The following MAD1L1 variants were observed in gnomAD, a reference collection of about 807,000 sequenced individuals.
The protein encoded by MAD1L1 is mitotic spindle assembly checkpoint protein MAD1.
MAD1L1 carries 95 observed loss-of-function variants against 96.9 expected under a neutral mutation model. That is an observed-to-expected ratio of 0.98 (90% CI 0.83 to 1.16). The LOEUF (loss-of-function observed/expected upper bound fraction) is 1.16, where lower values mean the gene tolerates loss of function less well. Ranked by LOEUF, MAD1L1 falls within the 50% of genes most tolerant of loss-of-function variation. MAD1L1 has a pLI of 0.00. For missense variants in MAD1L1, 1,007 were observed against 954.4 expected, an observed-to-expected ratio of 1.06 and a Z score of -0.73; for synonymous variants, 473 against 396.6, an observed-to-expected ratio of 1.19 and a Z score of -2.29.
At chr7:1,980,321 G>T in intron 15 of MAD1L1, 132 bp downstream of exon 15, 1 of 726,624 alleles carries the variant, frequency 1.4e-6, no homozygotes. Flanking sequence ...ACACCTGGGC[G>T]TATCCGCCTC....
intron 11 of MAD1L1, among the ~76,000 whole-genome samples, chr7:2,085,076 A>G (rs1319151688): frequency 1.3e-5 from 2 of 152,200 alleles, no homozygotes; most frequent in East Asian, 3.8e-4. Flanking sequence ...GTCAGTGATG[A>G]GCAAGAATTC....
At chr7:2,210,026 A>G (rs1326533685) in intron 10 of MAD1L1, 3 of 152,220 alleles carry the variant, frequency 2.0e-5, no homozygotes, top group Non-Finnish European at 4.4e-5. Flanking sequence ...ACTACCCCAA[A>G]CCTGGTCCCT....
intron 10 of MAD1L1, among the ~76,000 whole-genome samples, chr7:2,176,925 T>C (rs1790975799): frequency 6.6e-6 from 1 of 152,228 alleles, no homozygotes; most frequent in Admixed American, 6.5e-5. Flanking sequence ...TAATAACTGT[T>C]TGCTTGGTGA....
intron 10 of MAD1L1, among the ~76,000 whole-genome samples, chr7:2,157,234 C>T (rs751880292): frequency 6.6e-6 from 1 of 152,082 alleles, no homozygotes; most frequent in African/African-American, 2.4e-5. Flanking sequence ...AGTAAGAAGG[C>T]GATGGGAACA....
chr7:2,173,863 G>C (rs147690473), intron 10 of MAD1L1, among the ~76,000 whole-genome samples: 5 of 152,258 alleles, frequency 3.3e-5, no homozygotes, highest in African/African-American at 1.2e-4. Context: ...CAGTGGTATG[G>C]TCATAGCTCA....
At position 2,052,232 on chromosome 7, in the gene MAD1L1, G is replaced by C. The variant is rs569521571; in HGVS notation, c.1218+16962C>G. 7.2e-5 allele frequency among the ~76,000 whole-genome samples: 11 copies of C among 152,312 alleles called. No homozygotes were observed. In the East Asian group the frequency reaches 1.5e-3, roughly 21 times the overall value. On this transcript the variant is annotated intron_variant, in intron 12 of 18. Transcript: ENST00000265854. ...CACAGCCACAGCTCCGCCACAGCCA[G>C]CCATGGCATGACTCCATATGCCAAC...
chr7:1,841,973 C>T lies in MAD1L1; in HGVS notation c.1999-25745G>A, dbSNP rs549169185. On this transcript the variant is annotated intron_variant, in intron 18 of 18. Coordinates refer to ENST00000265854, the MANE Select transcript of MAD1L1 (RefSeq NM_001013836.2). ...AGCCCTCAGCCAGACCCTGCCTGCT[C>T]GCCGCGCTCGGCCGCCATCTTCCTG... Among the ~76,000 whole-genome samples, 21 of 152,336 alleles carry T rather than the reference C, an allele frequency of 1.4e-4. No individual in the cohort carries two copies. In the East Asian group the frequency reaches 3.1e-3, roughly 22 times the overall value.
At chr7:1,844,905 C>T (rs1448224536) in intron 18 of MAD1L1, among the ~76,000 whole-genome samples, 2 of 152,238 alleles carry the variant, frequency 1.3e-5, no homozygotes, top group African/African-American at 4.8e-5. Context: ...GCTGCCAGGA[C>T]GGAGACAGTA....
At chr7:2,024,113 A>T (rs950945707) in intron 12 of MAD1L1, among the ~76,000 whole-genome samples, 1 of 151,872 alleles carries the variant, frequency 6.6e-6, no homozygotes, top group Non-Finnish European at 1.5e-5. Flanking sequence ...AACATTAAAA[A>T]AAAAAAATAA....
At chr7:1,940,986 T>TCCCCCCGCAGGCCTCAGC (rs1279399235) in intron 16 of MAD1L1, among the ~76,000 whole-genome samples, 6 of 148,626 alleles carry the variant, frequency 4.0e-5, no homozygotes, top group Non-Finnish European at 6.0e-5. Flanking sequence ...CTCCTCTTCC[T>TCCCCCCGCAGGCCTCAGC]CTCCCAGGCC....
intron 14 of MAD1L1, among the ~76,000 whole-genome samples, chr7:2,000,413 C>T (rs376536502): frequency 6.6e-6 from 1 of 152,162 alleles, no homozygotes; most frequent in African/African-American, 2.4e-5. Flanking sequence ...ACCTCCTCCA[C>T]CCATGAAACC....
At chr7:1,832,852 G>C (rs544747801) in intron 18 of MAD1L1, among the ~76,000 whole-genome samples, 1 of 152,014 alleles carries the variant, frequency 6.6e-6, no homozygotes, top group Admixed American at 6.6e-5. Flanking sequence ...GGCTGGTCTC[G>C]AACTACTGGC....
At chr7:1,907,213 C>T (rs1017826434) in intron 17 of MAD1L1, among the ~76,000 whole-genome samples, 3 of 152,198 alleles carry the variant, frequency 2.0e-5, no homozygotes, top group African/African-American at 4.8e-5. Flanking sequence ...CCCTGTCCCA[C>T]GGTCCCCCAG....
chr7:2,194,822 C>T (rs956133069), intron 10 of MAD1L1, among the ~76,000 whole-genome samples: 1 of 152,042 alleles, frequency 6.6e-6, no homozygotes, highest in South Asian at 2.1e-4. Context: ...ACTGATAATC[C>T]CAGCACTTTG....
At chr7:2,175,056 C>A (rs1790881310) in intron 10 of MAD1L1, 1 of 152,180 alleles carries the variant, frequency 6.6e-6, no homozygotes, top group Non-Finnish European at 1.5e-5. Flanking sequence ...CAACGCTCCA[C>A]CAGCCCAGAC....
At chr7:1,886,135 G>A (rs1020954565) in intron 18 of MAD1L1, among the ~76,000 whole-genome samples, 5 of 152,182 alleles carry the variant, frequency 3.3e-5, no homozygotes, top group African/African-American at 1.2e-4. Context: ...GCACTGTGAG[G>A]GCCAGGTTCA....
At chr7:1,954,584 C>G (rs2128472801) in intron 16 of MAD1L1, among the ~76,000 whole-genome samples, 1 of 152,292 alleles carries the variant, frequency 6.6e-6, no homozygotes, top group African/African-American at 2.4e-5. Context: ...ACTCCTGCGG[C>G]TGCACCAATA....
chr7:2,212,312 C>T (rs1483755433), intron 10 of MAD1L1, among the ~76,000 whole-genome samples: 2 of 152,238 alleles, frequency 1.3e-5, no homozygotes, highest in Non-Finnish European at 2.9e-5. Flanking sequence ...TGGCACTCAG[C>T]TTGGCACAGA....
intron 11 of MAD1L1, among the ~76,000 whole-genome samples, chr7:2,120,957 G>C (rs1167427756): frequency 6.6e-6 from 1 of 152,180 alleles, no homozygotes; most frequent in Non-Finnish European, 1.5e-5. Flanking sequence ...ACCTGACGTG[G>C]GGAGGCCCAG....
Sources: allele counts gnomAD v4.1 joint callset (sites outside exome capture counted in the v4.1 genomes callset), GRCh38; gene constraint gnomAD v4.1.1; transcripts MANE v1.5; gene names NCBI Gene and HGNC (gene_info 2026-07-23, HGNC 2026-07-21).